Variants in UBE2W observed in about 807,000 individuals in gnomAD.
UBE2W encodes ubiquitin-conjugating enzyme E2 W.
A neutral mutation model predicts 27.2 loss-of-function variants in UBE2W; 18 were observed. That is an observed-to-expected ratio of 0.66 (90% CI 0.46 to 0.98). UBE2W has a LOEUF of 0.98. Ranked by LOEUF, UBE2W falls within the 50% of genes least tolerant of loss-of-function variation. The pLI, the probability that UBE2W is intolerant of heterozygous loss-of-function variation, is 0.00. For synonymous variants in UBE2W, 53 were observed against 57.2 expected (o/e 0.93, Z 0.33); for missense variants, 90 against 180.2 (o/e 0.50, Z 2.87).
At chr8:73,863,236 T>C (rs1199292026) in intron 1 of UBE2W, among the ~76,000 whole-genome samples, 1 of 146,048 alleles carries the variant, frequency 6.8e-6, no homozygotes, top group Non-Finnish European at 1.5e-5. Context: ...CACCATGGAA[T>C]ACTATGCAGC....
intron 1 of UBE2W, among the ~76,000 whole-genome samples, chr8:73,842,244 T>C (rs562361917): frequency 7.2e-5 from 11 of 151,876 alleles, no homozygotes; most frequent in African/African-American, 2.2e-4. Flanking sequence ...AAGAATGACG[T>C]GGGGCCGGGC....
At position 73,788,191 on chromosome 8, in the gene UBE2W, CAACT is replaced by C. The variant is rs775331396; in HGVS notation, c.*5907_*5910del. On this transcript the variant is annotated 3_prime_UTR_variant, in exon 6 of 6. Transcript: ENST00000602593. The stretch of plus-strand genomic sequence containing the variant: ...TCCATAAAGCAAAGTAATCTGCATT[CAACT>C]AACAAGTCTGATACATGTATTAAAA... The C allele has an allele frequency of 1.0e-3, 958 of 957,660 alleles. No individual in the cohort carries two copies. Among genetic ancestry groups the C allele is most frequent in the Non-Finnish European group, 1.2e-3 (933 of 805,044 alleles). The allele number at this position is 957,660 out of a possible 1,614,324, so 59.3% of individuals were successfully genotyped here.
At chr8:73,830,533 T>C (rs1490389056) in intron 1 of UBE2W, 61 bp from the exon 2 acceptor site, 3 of 1,303,974 alleles carry the variant, frequency 2.3e-6, no homozygotes, top group East Asian at 2.3e-5. Flanking sequence ...TCACCCAGGT[T>C]GGAGTACAGT....
chr8:73,857,917 C>A (rs1012559263), intron 1 of UBE2W, among the ~76,000 whole-genome samples: 4 of 152,092 alleles, frequency 2.6e-5, no homozygotes, highest in African/African-American at 9.7e-5. Flanking sequence ...TAGAATGATT[C>A]TGAGATTTTC....
At chr8:73,810,698 A>T (rs1809115540) in intron 3 of UBE2W, 69 bp from the exon 4 acceptor site, 4 of 1,235,380 alleles carry the variant, frequency 3.2e-6, no homozygotes, top group Non-Finnish European at 4.3e-6. Flanking sequence ...TATTCTCCAC[A>T]TATAACAAAT....
At chr8:73,820,107 T>C (rs1563590760) in intron 3 of UBE2W, among the ~76,000 whole-genome samples, 1 of 152,116 alleles carries the variant, frequency 6.6e-6, no homozygotes, top group South Asian at 2.1e-4. Context: ...GCCAGAAAGA[T>C]GAAAGACTAA....
In UBE2W at chr8:73,809,917, GT is replaced by G. The variant is rs750937654; in HGVS notation, c.366+556del. On this transcript the variant is annotated intron_variant, in intron 4 of 5. Transcript: ENST00000602593. The stretch of plus-strand genomic sequence containing the variant: ...TAATTAAGTGATTTTTTTTCTTTTT[GT>G]TTTTTTTCCCCCCACTTCCATCAGA... 2.3e-4 allele frequency among the ~76,000 whole-genome samples: 35 copies of G among 151,514 alleles called. 1 individual carries two copies. Among genetic ancestry groups the G allele is most frequent in the African/African-American group, 6.1e-4 (25 of 41,314 alleles).
downstream of UBE2W, among the ~76,000 whole-genome samples, chr8:73,785,045 C>T (rs185567420): frequency 1.3e-5 from 2 of 152,344 alleles, no homozygotes; most frequent in Admixed American, 1.3e-4. Context: ...GTCCTTTGTA[C>T]TGATCTTCAT....
intron 1 of UBE2W, among the ~76,000 whole-genome samples, chr8:73,871,181 T>A (rs1455506010): frequency 6.6e-6 from 1 of 152,194 alleles, no homozygotes; most frequent in South Asian, 2.1e-4. Flanking sequence ...TGTATTTACA[T>A]CAGGAATTCA....
In UBE2W at chr8:73,792,665, T is replaced by C. The variant is rs116764723; in HGVS notation, c.*1437A>G. The C allele has an allele frequency of 5.4e-3, 5,302 of 985,516 alleles. 228 individuals carry two copies. In the African/African-American group the frequency reaches 0.086, roughly 16 times the overall value. The allele number at this position is 985,516 out of a possible 1,614,324, so 61.0% of individuals were successfully genotyped here. On this transcript the variant is annotated 3_prime_UTR_variant, in exon 6 of 6. Transcript: ENST00000602593. Reference sequence around the variant, plus strand: ...CAATAAGGCATTAGTAAAAATAACATTGTAGTAGAAACAGATTTTGCATAT... The same window carrying C: ...CAATAAGGCATTAGTAAAAATAACACTGTAGTAGAAACAGATTTTGCATAT...
intron 3 of UBE2W, among the ~76,000 whole-genome samples, chr8:73,815,369 G>T (rs1809342389): frequency 6.6e-6 from 1 of 151,966 alleles, no homozygotes; most frequent in African/African-American, 2.4e-5. Context: ...GTGAGACCCT[G>T]TCTTGGAAAA....
intron 3 of UBE2W, among the ~76,000 whole-genome samples, chr8:73,820,780 C>CA (rs1189026131): frequency 1.0e-5 from 1 of 97,716 alleles, no homozygotes; most frequent in Non-Finnish European, 2.0e-5. Context: ...AACAAACAAA[C>CA]AAAAAAACAA....
At chr8:73,855,534 T>TG (rs955947741) in intron 1 of UBE2W, among the ~76,000 whole-genome samples, 12 of 151,780 alleles carry the variant, frequency 7.9e-5, no homozygotes, top group African/African-American at 2.4e-4. Flanking sequence ...CCCAAGTAGC[T>TG]GGGCTTACAG....
At chr8:73,806,248 G>A (rs1436680828) in intron 4 of UBE2W, among the ~76,000 whole-genome samples, 6 of 152,046 alleles carry the variant, frequency 3.9e-5, no homozygotes, top group Non-Finnish European at 5.9e-5. Context: ...AAACATAGCC[G>A]GGCGCAGTGG....
chr8:73,868,977 C>T (rs1049332796), intron 1 of UBE2W, among the ~76,000 whole-genome samples: 1 of 152,162 alleles, frequency 6.6e-6, no homozygotes. Context: ...TCCAAACTGT[C>T]AATTAATCCA....
intron 1 of UBE2W, among the ~76,000 whole-genome samples, chr8:73,851,310 T>C (rs1811067721): frequency 6.6e-6 from 1 of 151,842 alleles, no homozygotes; most frequent in Non-Finnish European, 1.5e-5. Context: ...CATATGTAAA[T>C]ATTGAAGAGA....
intron 3 of UBE2W, among the ~76,000 whole-genome samples, chr8:73,814,575 A>G (rs1049348303): frequency 1.3e-5 from 2 of 152,042 alleles, no homozygotes; most frequent in Non-Finnish European, 2.9e-5. Context: ...CTGGAGTGCA[A>G]TGGCCCGATC....
intron 1 of UBE2W, among the ~76,000 whole-genome samples, chr8:73,864,346 C>A (rs897025312): frequency 1.3e-5 from 2 of 152,140 alleles, no homozygotes; most frequent in Non-Finnish European, 2.9e-5. Flanking sequence ...CAAGATCATG[C>A]CACTGCACCG....
Position 73,821,471 on chromosome 8 carries a change from A to G in UBE2W, c.210+3676T>C, listed in dbSNP as rs991233062. ...ATAAACATTAAGAGGTTTTACTGTC[A>G]GGGGGTGAGGAATTCTGGGGATGGT... On this transcript the variant is annotated intron_variant, in intron 3 of 5. Transcript: ENST00000602593. 5.1e-5 allele frequency among the ~76,000 whole-genome samples: 7 copies of G among 138,002 alleles called. No individual in the cohort carries two copies. The East Asian group carries it at 1.7e-3, about 33-fold the overall frequency. 90.5% of individuals were successfully genotyped at this position (138,002 alleles called of 152,430 possible).
Sources: allele counts gnomAD v4.1 joint callset (sites outside exome capture counted in the v4.1 genomes callset), GRCh38; gene constraint gnomAD v4.1.1; transcripts MANE v1.5; gene names NCBI Gene and HGNC (gene_info 2026-07-23, HGNC 2026-07-21).